Variants in FLNB observed in about 807,000 individuals in gnomAD.
FLNB encodes filamin B.
FLNB carries 111 observed loss-of-function variants against 250.6 expected under a neutral mutation model. The ratio of observed to expected loss-of-function variants is 0.44; its 90% CI spans 0.38 to 0.52. FLNB has a LOEUF of 0.52. Ranked by LOEUF, FLNB falls within the 20% of genes least tolerant of loss-of-function variation. FLNB has a pLI of 0.00. For missense variants in FLNB, 2,869 were observed against 3,447.8 expected (o/e 0.83, Z 4.20); for synonymous variants, 1,302 against 1,372.1 (o/e 0.95, Z 1.13).
intron 1 of FLNB, among the ~76,000 whole-genome samples, chr3:58,075,179 A>G (rs891166161): frequency 2.0e-5 from 3 of 151,684 alleles, no homozygotes; most frequent in South Asian, 2.1e-4. Flanking sequence ...GTAATTTGGC[A>G]TGTGTTCAAC....
intron 19 of FLNB, among the ~76,000 whole-genome samples, chr3:58,120,329 A>G (rs558987041): frequency 2.0e-5 from 3 of 152,332 alleles, no homozygotes; most frequent in African/African-American, 4.8e-5. Context: ...AGAACAGGAA[A>G]AGCAGGGTGC....
At position 58,169,314 on chromosome 3, in the gene FLNB, G is replaced by C. The variant is rs910648281; in HGVS notation, c.7418-276G>C. 1 of 500,004 alleles carries C rather than the reference G, an allele frequency of 2.0e-6. No homozygotes were observed. The highest frequency in any genetic ancestry group is 3.6e-6 in the Non-Finnish European group (1 of 274,796). The allele number at this position is 500,004 out of a possible 1,614,324, so 31.0% of individuals were successfully genotyped here. ...ATGTGAATTCCACAGGCACATCTTT[G>C]GTGGGTAGGGGGTGGGGGGATTGGG... On this transcript the variant is annotated intron_variant, in intron 44 of 45. Coordinates refer to ENST00000295956, the MANE Select transcript of FLNB (RefSeq NM_001457.4). The surrounding 1 kb of genome is among the most constrained non-coding windows in gnomAD (Gnocchi z 4.8).
chr3:58,140,795 G>C (rs907874864), intron 29 of FLNB, among the ~76,000 whole-genome samples: 6 of 152,164 alleles, frequency 3.9e-5, no homozygotes, highest in African/African-American at 1.4e-4. Flanking sequence ...ATTTAGTAGA[G>C]ATGGGGTTTC....
At chr3:58,027,383 C>T (rs1049370206) in intron 1 of FLNB, among the ~76,000 whole-genome samples, 30 of 151,948 alleles carry the variant, frequency 2.0e-4, no homozygotes, top group Admixed American at 1.7e-3. Flanking sequence ...TGGCCCGGTC[C>T]GCCTGCCTCA....
intron 43 of FLNB, among the ~76,000 whole-genome samples, chr3:58,168,021 CA>C (rs1009206990): frequency 6.6e-6 from 1 of 152,168 alleles, no homozygotes. Context: ...CTGGCTTCTC[CA>C]AGTCTACCCG....
chr3:58,150,613 A>C, intron 38 of FLNB: 3 of 308,480 alleles, frequency 9.7e-6, no homozygotes, highest in South Asian at 9.7e-5. Context: ...GCATCCTTCT[A>C]GTATTTCTCT....
Position 58,124,592 on chromosome 3 carries a change from A to C in FLNB, c.3898+87A>C, listed in dbSNP as rs565082283. On this transcript the variant is annotated intron_variant, in intron 22 of 45. Transcript: ENST00000295956. ...GGTGGCTGGTACTGATGCCTGCCCC[A>C]TGTGCTAGGCCTGTCTCAGCAGGGC... is the stretch of plus-strand genomic sequence containing the variant. The C allele has an allele frequency of 1.4e-4, 196 of 1,419,650 alleles. 6 individuals carry two copies. The South Asian group carries it at 2.1e-3, about 15-fold the overall frequency. The allele number at this position is 1,419,650 out of a possible 1,614,324, so 87.9% of individuals were successfully genotyped here. A position where few individuals can be genotyped will look rare whatever the true frequency, so the allele number is the denominator to read the frequency against.
intron 36 of FLNB, 37 bp from the exon 37 acceptor site, chr3:58,149,813 G>T (rs988308524): frequency 2.0e-5 from 33 of 1,613,872 alleles, no homozygotes; most frequent in Non-Finnish European, 2.8e-5. Flanking sequence ...TTCCTGAGGA[G>T]CTGCTGTCAG....
intron 1 of FLNB, among the ~76,000 whole-genome samples, chr3:58,013,652 C>T (rs756231106): frequency 6.6e-6 from 1 of 151,974 alleles, no homozygotes; most frequent in African/African-American, 2.4e-5. Flanking sequence ...TGGAGAAACC[C>T]CATCTCTACT....
At chr3:58,135,075 ACT>A (rs2097313785) in intron 27 of FLNB, among the ~76,000 whole-genome samples, 1 of 150,552 alleles carries the variant, frequency 6.6e-6, no homozygotes. Flanking sequence ...CTGGTCTTGA[ACT>A]CTCTTGGGTT....
chr3:58,078,678 C>G (rs1440832948), intron 2 of FLNB, 39 bp from the exon 3 acceptor site: 1 of 1,580,434 alleles, frequency 6.3e-7, no homozygotes, highest in African/African-American at 1.3e-5. Context: ...TCTCTTTGGT[C>G]AGCTAATGCT....
intron 18 of FLNB, among the ~76,000 whole-genome samples, chr3:58,114,423 A>G (rs2097274399): frequency 6.6e-6 from 1 of 152,346 alleles, no homozygotes; most frequent in East Asian, 1.9e-4. Context: ...GGCATGAGCC[A>G]CCGCGCCCGG....
chr3:58,132,078 C>T, intron 25 of FLNB: 1 of 1,181,848 alleles, frequency 8.5e-7, no homozygotes, highest in South Asian at 1.3e-5. Flanking sequence ...GCTGGCCTCA[C>T]TTCTAAAATT....
At chr3:58,083,485 G>C (rs1347874135) in intron 4 of FLNB, among the ~76,000 whole-genome samples, 1 of 150,266 alleles carries the variant, frequency 6.7e-6, no homozygotes, top group Admixed American at 6.7e-5. Context: ...TCCTGCCTCA[G>C]CCTCCCGAGT....
At chr3:58,041,339 C>T (rs2097145717) in intron 1 of FLNB, among the ~76,000 whole-genome samples, 1 of 152,216 alleles carries the variant, frequency 6.6e-6, no homozygotes, top group Non-Finnish European at 1.5e-5. Flanking sequence ...ATTTCCAGCG[C>T]TGAACCAGCC....
chr3:58,157,523 C>T (rs1198735296), intron 41 of FLNB, among the ~76,000 whole-genome samples: 3 of 152,198 alleles, frequency 2.0e-5, no homozygotes, highest in East Asian at 3.8e-4. Context: ...GAAGCGGCCT[C>T]ATCCGGAGAA....
chr3:58,087,877 A>G (rs1014608794), intron 4 of FLNB, among the ~76,000 whole-genome samples: 3 of 151,842 alleles, frequency 2.0e-5, no homozygotes, highest in African/African-American at 4.8e-5. Flanking sequence ...AGTAGCTGGG[A>G]TTACAGGCAT....
At chr3:58,024,557 T>G (rs1576598191) in intron 1 of FLNB, among the ~76,000 whole-genome samples, 1 of 152,100 alleles carries the variant, frequency 6.6e-6, no homozygotes, top group East Asian at 1.9e-4. Flanking sequence ...TGGTTGGGAA[T>G]ACTCCCAGAA....
chr3:58,043,753 G>A (rs988348968), intron 1 of FLNB, among the ~76,000 whole-genome samples: 2 of 152,158 alleles, frequency 1.3e-5, no homozygotes, highest in Non-Finnish European at 2.9e-5. Flanking sequence ...ACAAGTCCAG[G>A]ATTTGCTATT....
Sources: gnomAD v4.1 joint callset for allele counts (sites outside exome capture counted in the v4.1 genomes callset) on GRCh38, gnomAD v4.1.1 for gene constraint, Gnocchi (gnomAD v3.1) non-coding constraint, MANE v1.5 for transcripts, NCBI Gene and HGNC (gene_info 2026-07-23, HGNC 2026-07-21) for gene names.